SYT9: variants seen among roughly 807,000 people sequenced by gnomAD.
The protein encoded by SYT9 is synaptotagmin 9.
In SYT9, 22 loss-of-function variants were observed where a neutral mutation model predicts 48.4. The ratio of observed to expected loss-of-function variants is 0.45; its 90% CI spans 0.32 to 0.65. The LOEUF is 0.65. Among genes scored for constraint, SYT9 ranks in the 30% least tolerant of loss-of-function variants. SYT9 has a pLI of 0.03. For synonymous variants in SYT9, 265 were observed against 245.0 expected, an observed-to-expected ratio of 1.08 and a Z score of -0.76; for missense variants, 577 against 622.0, an observed-to-expected ratio of 0.93 and a Z score of 0.77.
At chr11:7,319,176 T>TC (rs1396854253) in intron 3 of SYT9, among the ~76,000 whole-genome samples, 1 of 133,658 alleles carries the variant, frequency 7.5e-6, no homozygotes, top group African/African-American at 2.7e-5. Flanking sequence ...CTTTTTTTTT[T>TC]TCTTTTCTTC....
At chr11:7,370,039 C>T (rs1589978099) in intron 3 of SYT9, among the ~76,000 whole-genome samples, 1 of 152,006 alleles carries the variant, frequency 6.6e-6, no homozygotes, top group Admixed American at 6.6e-5. Flanking sequence ...AGTCTTCTAT[C>T]GCTCACCCCA....
At chr11:7,336,803 T>C (rs1849638270) in intron 3 of SYT9, among the ~76,000 whole-genome samples, 2 of 152,196 alleles carry the variant, frequency 1.3e-5, no homozygotes, top group East Asian at 1.9e-4. Context: ...AGCTTTGTTC[T>C]TTTTGCTTAG....
chr11:7,379,883 G>A (rs1054067471), intron 3 of SYT9, among the ~76,000 whole-genome samples: 1 of 152,096 alleles, frequency 6.6e-6, no homozygotes, highest in African/African-American at 2.4e-5. Context: ...GCAGTTTGGA[G>A]GTTCTTCAAA....
chr11:7,245,787 A>G (rs1416873269), intron 1 of SYT9, among the ~76,000 whole-genome samples: 1 of 152,212 alleles, frequency 6.6e-6, no homozygotes, highest in Non-Finnish European at 1.5e-5. Flanking sequence ...TGGAGCCCTC[A>G]TGGCCTAATC....
intron 1 of SYT9, 76 bp from the exon 2 acceptor site, chr11:7,302,963 C>A: frequency 7.4e-7 from 1 of 1,351,352 alleles, no homozygotes; most frequent in East Asian, 2.3e-5. Context: ...ATGAGAGGGT[C>A]ATTCTGCCCA....
chr11:7,393,292 AG>A (rs1169314365), intron 3 of SYT9, among the ~76,000 whole-genome samples: 33 of 58,658 alleles, frequency 5.6e-4, no homozygotes, highest in South Asian at 1.7e-3. Flanking sequence ...TAGTTTGTTG[AG>A]GTTTTTTTTT....
intron 6 of SYT9, among the ~76,000 whole-genome samples, chr11:7,432,005 G>A (rs1847582930): frequency 6.6e-6 from 1 of 152,198 alleles, no homozygotes; most frequent in African/African-American, 2.4e-5. Context: ...CCCCACAGGG[G>A]CAGTGTCTAA....
chr11:7,274,216 C>A (rs528455319), intron 1 of SYT9, among the ~76,000 whole-genome samples: 1 of 152,092 alleles, frequency 6.6e-6, no homozygotes, highest in Non-Finnish European at 1.5e-5. Context: ...AGTGGAGCCC[C>A]CTCATTAAGG....
At chr11:7,404,902 T>C (rs1331980037) in intron 3 of SYT9, among the ~76,000 whole-genome samples, 1 of 152,184 alleles carries the variant, frequency 6.6e-6, no homozygotes, top group Non-Finnish European at 1.5e-5. Context: ...AAAGAGTTTA[T>C]AGATCGACAG....
Position 7,322,309 on chromosome 11 carries a change from C to G in SYT9, c.1044+8368C>G, listed in dbSNP as rs1490666923. The stretch of plus-strand genomic sequence containing the variant: ...GTAGTGCTGAAAATGCAAAAAGGAC[C>G]GGCTGCTTAACTGATCCTAAGGGAC... On this transcript the variant is annotated intron_variant, in intron 3 of 6. Transcript: ENST00000318881. 2.6e-5 allele frequency among the ~76,000 whole-genome samples: 4 copies of G among 152,240 alleles called. No homozygotes were observed. In the East Asian group the frequency reaches 5.8e-4, roughly 22 times the overall value.
chr11:7,401,791 A>G (rs767930103), intron 3 of SYT9, among the ~76,000 whole-genome samples: 1 of 151,598 alleles, frequency 6.6e-6, no homozygotes, highest in African/African-American at 2.4e-5. Flanking sequence ...ATCCAGTGTC[A>G]CTAGGATGTT....
At chr11:7,350,289 A>G (rs1046375925) in intron 3 of SYT9, among the ~76,000 whole-genome samples, 1 of 152,176 alleles carries the variant, frequency 6.6e-6, no homozygotes, top group Non-Finnish European at 1.5e-5. Context: ...GCTCACTAAT[A>G]TGTCTTCTGA....
intron 1 of SYT9, among the ~76,000 whole-genome samples, chr11:7,273,348 T>C (rs1848330437): frequency 6.6e-6 from 1 of 152,138 alleles, no homozygotes; most frequent in African/African-American, 2.4e-5. Flanking sequence ...AGTGTTTTTG[T>C]TTTTTGTTTG....
chr11:7,262,330 G>A (rs1039150646), intron 1 of SYT9, among the ~76,000 whole-genome samples: 5 of 152,092 alleles, frequency 3.3e-5, no homozygotes, highest in Non-Finnish European at 5.9e-5. Flanking sequence ...GAGCCCAGTG[G>A]GGATACAGAC....
At chr11:7,413,588 C>T (rs1847181584) in intron 3 of SYT9, among the ~76,000 whole-genome samples, 1 of 152,162 alleles carries the variant, frequency 6.6e-6, no homozygotes, top group African/African-American at 2.4e-5. Flanking sequence ...GCCAAACCCC[C>T]CGAGCAGGCT....
In SYT9 at chr11:7,416,151, C is replaced by G; in HGVS notation, c.1154C>G (p.Thr385Arg). The stretch of plus-strand genomic sequence containing the variant: ...AGGAATTTAAAGGCAATGGACATAA[C>G]AGGAGCATCAGGTGGGGCATTTTCA... ...KARNLKAMDI[T>R]GASDPYVKVS... Residue 385 changes from threonine (T) to arginine (R), a missense_variant, in exon 4 of 7, where the codon ACA (threonine) becomes AGA (arginine). Transcript: ENST00000318881. 1 of 1,614,136 alleles carries G rather than the reference C, an allele frequency of 6.2e-7. No homozygotes were observed. Among genetic ancestry groups the G allele is most frequent in the Non-Finnish European group, 8.5e-7 (1 of 1,180,000 alleles).
chr11:7,280,557 G>A (rs1457060516), intron 1 of SYT9, among the ~76,000 whole-genome samples: 1 of 152,168 alleles, frequency 6.6e-6, no homozygotes, highest in Non-Finnish European at 1.5e-5. Context: ...TTCATAAAAC[G>A]TCACTTTCAG....
intron 1 of SYT9, among the ~76,000 whole-genome samples, chr11:7,264,992 C>T (rs74051007): frequency 0.032 from 4,921 of 152,046 alleles, 263 homozygotes; most frequent in African/African-American, 0.11. Context: ...TTAAAGAAAA[C>T]AGCAGCAGGC....
At chr11:7,261,451 T>G (rs139232756) in intron 1 of SYT9, among the ~76,000 whole-genome samples, 6 of 152,240 alleles carry the variant, frequency 3.9e-5, no homozygotes, top group East Asian at 3.9e-4. Flanking sequence ...CAAATGTAGA[T>G]ACCTAGACAC....
Sources: allele counts gnomAD v4.1 joint callset (sites outside exome capture counted in the v4.1 genomes callset), GRCh38; gene constraint gnomAD v4.1.1; transcripts MANE v1.5; gene names NCBI Gene and HGNC (gene_info 2026-07-23, HGNC 2026-07-21).